Variants in RBM43 observed in about 807,000 individuals in gnomAD.
RBM43 encodes RNA binding motif protein 43.
A neutral mutation model predicts 12.4 loss-of-function variants in RBM43; 12 were observed. The ratio of observed to expected loss-of-function variants is 0.97; its 90% CI spans 0.62 to 1.57. The LOEUF (loss-of-function observed/expected upper bound fraction) is 1.57, where lower values mean the gene tolerates loss of function less well. Among genes scored for constraint, RBM43 ranks in the 40% most tolerant of loss-of-function variants. The probability of loss-of-function intolerance (pLI) is 0.00; values close to 1 mark genes in which losing one functional copy is unlikely to be tolerated. For synonymous variants in RBM43, 138 were observed against 145.7 expected (o/e 0.95, Z 0.38); for missense variants, 348 against 400.1 (o/e 0.87, Z 1.11).
In RBM43 at chr2:151,250,598, CAAAA is replaced by C. The variant is rs34911765; in HGVS notation, c.*304_*307del. The C allele has an allele frequency of 4.9e-5, 6 of 123,320 alleles. No individual in the cohort carries two copies. Among genetic ancestry groups the C allele is most frequent in the East Asian group, 2.3e-4 (1 of 4,416 alleles). The allele number at this position is 123,320 out of a possible 1,614,324, so 7.6% of individuals were successfully genotyped here. ...TGGACAACAGAGCGAGACTCCATCT[CAAAA>C]AAAAAAAAAAAAAAGTTTGGTGAGT... On this transcript the variant is annotated 3_prime_UTR_variant, in exon 4 of 4. Transcript: ENST00000331426.
chr2:151,257,374 C>G (rs1303938031), intron 1 of RBM43, among the ~76,000 whole-genome samples: 1 of 152,138 alleles, frequency 6.6e-6, no homozygotes, highest in Non-Finnish European at 1.5e-5. Flanking sequence ...ATCCCAAGAG[C>G]CCCATAAAAT....
chr2:151,260,116 T>G (rs1214392184), intron 1 of RBM43, among the ~76,000 whole-genome samples: 1 of 150,134 alleles, frequency 6.7e-6, no homozygotes, highest in East Asian at 2.0e-4. Context: ...CGCTCCCCCC[T>G]CGGCCTCTCG....
chr2:151,255,820 G>T, intron 1 of RBM43, 77 bp from the exon 2 acceptor site: 1 of 1,052,184 alleles, frequency 9.5e-7, no homozygotes, highest in Non-Finnish European at 1.4e-6. Flanking sequence ...CTTCAGTGGA[G>T]AGAATATCTT....
At position 151,250,807 on chromosome 2, in the gene RBM43, G is replaced by A; in HGVS notation, c.*99C>T. On this transcript the variant is annotated 3_prime_UTR_variant, in exon 4 of 4. Transcript: ENST00000331426. The stretch of plus-strand genomic sequence containing the variant: ...ACTGACAAAGAAGGATGACTATAAG[G>A]ATTCATGAGATACGGTGTGTAAAGC... The A allele has an allele frequency of 1.2e-6, 1 of 809,476 alleles. No homozygotes were observed. The highest frequency in any genetic ancestry group is 2.0e-6 in the Non-Finnish European group (1 of 503,498). The allele number at this position is 809,476 out of a possible 1,614,324, so 50.1% of individuals were successfully genotyped here.
In RBM43 at chr2:151,248,347, AC is replaced by A. The variant is rs1318166721; in HGVS notation, c.*2558del. ...ATTTAATCTTTGCTTTAAAAAAAAAACAGTAGGAAGGTCAAAATGACTTTGT... is the reference window on the plus strand; with the variant it reads ...ATTTAATCTTTGCTTTAAAAAAAAAAAGTAGGAAGGTCAAAATGACTTTGT... On this transcript the variant is annotated 3_prime_UTR_variant, in exon 4 of 4. Coordinates refer to ENST00000331426, the MANE Select transcript of RBM43 (RefSeq NM_198557.3). 1 of 152,048 alleles carries A rather than the reference AC, an allele frequency of 6.6e-6. No homozygotes were observed. The highest frequency in any genetic ancestry group is 6.5e-5 in the Admixed American group (1 of 15,272). 9.4% of individuals were successfully genotyped at this position (152,048 alleles called of 1,614,324 possible).
chr2:151,259,801 T>C (rs975015034), intron 1 of RBM43, among the ~76,000 whole-genome samples: 2 of 152,102 alleles, frequency 1.3e-5, no homozygotes, highest in Admixed American at 6.5e-5. Context: ...TAGGGAGAAA[T>C]AGAAGATTCA....
At chr2:151,261,450 C>T (rs1344244534) in intron 1 of RBM43, 1 of 1,550,596 alleles carries the variant, frequency 6.4e-7, no homozygotes, top group South Asian at 1.2e-5. Context: ...TCCTGAGCCT[C>T]TGGAGCGGGC....
At chr2:151,256,483 C>T (rs1682977889) in intron 1 of RBM43, among the ~76,000 whole-genome samples, 1 of 152,070 alleles carries the variant, frequency 6.6e-6, no homozygotes, top group Non-Finnish European at 1.5e-5. Context: ...AGAAACACAT[C>T]CCCTACTTTT....
Position 151,250,779 on chromosome 2 carries a change from A to G in RBM43, c.*127T>C, listed in dbSNP as rs1050395397. The G allele has an allele frequency of 1.9e-5, 13 of 693,716 alleles. No homozygotes were observed. The South Asian group carries it at 2.8e-4, about 15-fold the overall frequency. 43.0% of individuals were successfully genotyped at this position (693,716 alleles called of 1,614,324 possible). A position where few individuals can be genotyped will look rare whatever the true frequency, so the allele number is the denominator to read the frequency against. ...CTTCCGCTGTAACATGAGGATAGTC[A>G]ACACTGACAAAGAAGGATGACTATA... On this transcript the variant is annotated 3_prime_UTR_variant, in exon 4 of 4. Transcript: ENST00000331426.
chr2:151,252,714 G>T (rs1357113782), intron 3 of RBM43, 41 bp downstream of exon 3: 2 of 1,065,828 alleles, frequency 1.9e-6, no homozygotes, highest in Non-Finnish European at 2.9e-6. Flanking sequence ...AAAAGAAATG[G>T]GATACAGGAC....
intron 3 of RBM43, among the ~76,000 whole-genome samples, chr2:151,252,180 G>A (rs1682911078): frequency 6.6e-6 from 1 of 152,010 alleles, no homozygotes. Flanking sequence ...CCTTTAGGTT[G>A]GTACCTGGCA....
intron 1 of RBM43, among the ~76,000 whole-genome samples, chr2:151,259,491 C>T (rs1376630728): frequency 6.6e-6 from 1 of 151,868 alleles, no homozygotes; most frequent in African/African-American, 2.4e-5. Flanking sequence ...ACTAAAAATA[C>T]AAAAATTAGT....
At chr2:151,254,030 T>C (rs1682942907) in intron 2 of RBM43, among the ~76,000 whole-genome samples, 1 of 152,202 alleles carries the variant, frequency 6.6e-6, no homozygotes, top group Non-Finnish European at 1.5e-5. Context: ...TTTATTCTTC[T>C]TTATGTCTTG....
chr2:151,260,344 G>A (rs1218860925), intron 1 of RBM43, among the ~76,000 whole-genome samples: 4 of 151,854 alleles, frequency 2.6e-5, no homozygotes, highest in South Asian at 4.1e-4. Context: ...GCCCTCCTTC[G>A]CCTCCCAAAG....
rs778597217 is a variant in RBM43, at chr2:151,255,700, G to T, written c.47C>A (p.Thr16Lys). Reference protein sequence around the residue: ...NVKESKAPERTVVVAGLPVDL... With the variant: ...NVKESKAPERKVVVAGLPVDL... ...AACTGGAAGACCAGCAACTACAACC[G>T]TTCTTTCAGGAGCTTTGGATTCCTT... The change falls in exon 2 of 4, where the codon ACG becomes AAG. Residue 16 changes from threonine (T) to lysine (K), a missense_variant. Transcript: ENST00000331426. The T allele has an allele frequency of 1.9e-6, 3 of 1,613,678 alleles. No individual in the cohort carries two copies. The highest frequency in any genetic ancestry group is 1.3e-5 in the African/African-American group (1 of 74,872).
chr2:151,259,453 C>G (rs1009881513), intron 1 of RBM43, among the ~76,000 whole-genome samples: 2 of 152,072 alleles, frequency 1.3e-5, no homozygotes, highest in African/African-American at 4.8e-5. Context: ...CGAGATCAGC[C>G]TGGCCAACAT....
chr2:151,251,363 A>T lies in RBM43; in HGVS notation c.617T>A (p.Val206Asp). The T allele has an allele frequency of 6.2e-7, 1 of 1,614,178 alleles. No individual in the cohort carries two copies. Among genetic ancestry groups the T allele is most frequent in the Non-Finnish European group, 8.5e-7 (1 of 1,179,992 alleles). ...AGCAGTCTCAGGTACTAAGGTCCTG[A>T]CTGATGCCAAAGAGTTATTACTTCT... Reference protein sequence around the residue: ...LQRSNNSLASVRTLVPETARS... With the variant: ...LQRSNNSLASDRTLVPETARS... The change falls in exon 4 of 4, where the codon GTC (valine) becomes GAC (aspartate). Residue 206 changes from valine (V) to aspartate (D), a missense_variant. Coordinates refer to ENST00000331426, the MANE Select transcript of RBM43 (RefSeq NM_198557.3).
chr2:151,260,757 C>T lies in RBM43; in HGVS notation c.3+968G>A, dbSNP rs76844036. Among the ~76,000 whole-genome samples, 1,436 of 152,250 alleles carry T rather than the reference C, an allele frequency of 9.4e-3. 29 individuals are homozygous for T. The highest frequency in any genetic ancestry group is 0.033 in the African/African-American group (1,376 of 41,530). On this transcript the variant is annotated intron_variant, in intron 1 of 3. Transcript: ENST00000331426. ...TATGAATAATGAGGGTTGTTCATCT[C>T]TTCTACCCACGATTAAGATAAAGAA...
At position 151,261,064 on chromosome 2, in the gene RBM43, G is replaced by A. The variant is rs1287270896; in HGVS notation, c.3+661C>T. On this transcript the variant is annotated intron_variant, in intron 1 of 3. Transcript: ENST00000331426. ...CTACCGCCACCAGGTCAACAAAAAC[G>A]TACTTGCTTTTGCATTTCCGGGACT... 6.5e-6 allele frequency: 4 copies of A among 614,676 alleles called. No homozygotes were observed. The African/African-American group carries it at 7.3e-5, about 11-fold the overall frequency. 38.1% of individuals were successfully genotyped at this position (614,676 alleles called of 1,614,324 possible).
Sources: allele counts gnomAD v4.1 joint callset (sites outside exome capture counted in the v4.1 genomes callset), GRCh38; gene constraint gnomAD v4.1.1; transcripts MANE v1.5; gene names NCBI Gene and HGNC (gene_info 2026-07-23, HGNC 2026-07-21).